Variants in INPP4B observed in about 807,000 individuals in gnomAD.
INPP4B encodes the protein inositol polyphosphate 4-phosphatase type II.
Under a neutral mutation model 122.5 loss-of-function variants are expected in INPP4B, and 55 were observed. The observed-to-expected ratio is 0.45, with a 90% confidence interval of 0.36 to 0.56. INPP4B has a LOEUF of 0.56. INPP4B is among the 20% of genes least tolerant of loss of function. INPP4B has a pLI of 0.00. For synonymous variants in INPP4B, 403 were observed against 388.7 expected, an observed-to-expected ratio of 1.04 and a Z score of -0.43; for missense variants, 1,000 against 1,097.7, an observed-to-expected ratio of 0.91 and a Z score of 1.26.
chr4:142,205,239 G>A (rs1350055690), intron 14 of INPP4B, among the ~76,000 whole-genome samples: 3 of 151,988 alleles, frequency 2.0e-5, no homozygotes, highest in Non-Finnish European at 2.9e-5. Context: ...AGTATTTTAA[G>A]GTTAATCAAC....
At chr4:142,070,826 G>A (rs537879680) in intron 25 of INPP4B, among the ~76,000 whole-genome samples, 10 of 152,184 alleles carry the variant, frequency 6.6e-5, no homozygotes, top group Admixed American at 1.3e-4. Flanking sequence ...ACTCCTCAAC[G>A]AAATAAAAGA....
intron 5 of INPP4B, among the ~76,000 whole-genome samples, chr4:142,416,333 C>T (rs772651347): frequency 1.1e-4 from 16 of 152,114 alleles, no homozygotes; most frequent in Non-Finnish European, 2.1e-4. Flanking sequence ...CACACTGACT[C>T]ATGGTCTGGG....
intron 1 of INPP4B, among the ~76,000 whole-genome samples, chr4:142,812,511 C>A (rs927269041): frequency 1.3e-5 from 2 of 152,134 alleles, no homozygotes; most frequent in Non-Finnish European, 2.9e-5. Flanking sequence ...TCAATCCCAT[C>A]CTTACCAAAA....
chr4:142,206,941 C>T (rs533095032), intron 14 of INPP4B, among the ~76,000 whole-genome samples: 1 of 152,044 alleles, frequency 6.6e-6, no homozygotes, highest in African/African-American at 2.4e-5. Flanking sequence ...GTACCTTTGA[C>T]TAATACCTCC....
chr4:142,192,798 C>T (rs895599812), intron 15 of INPP4B, among the ~76,000 whole-genome samples: 5 of 152,164 alleles, frequency 3.3e-5, no homozygotes, highest in Admixed American at 2.6e-4. Flanking sequence ...AATCTCTGAA[C>T]ACTCCTTTGA....
At chr4:142,122,272 A>G in intron 20 of INPP4B, 27 bp from the exon 21 acceptor site, 1 of 1,505,406 alleles carries the variant, frequency 6.6e-7, no homozygotes, top group Non-Finnish European at 9.2e-7. Flanking sequence ...GCACTTAGCT[A>G]CAAACAAACA....
At chr4:142,634,350 T>A (rs997531811) in intron 2 of INPP4B, among the ~76,000 whole-genome samples, 25 of 152,096 alleles carry the variant, frequency 1.6e-4, no homozygotes, top group Non-Finnish European at 2.9e-4. Flanking sequence ...TTCACTTTTT[T>A]AAAACCAAAA....
chr4:142,304,089 T>C (rs1225828937), intron 9 of INPP4B, among the ~76,000 whole-genome samples: 2 of 152,158 alleles, frequency 1.3e-5, no homozygotes, highest in Non-Finnish European at 2.9e-5. Context: ...GCTATGCATC[T>C]GATCTAGAAA....
intron 16 of INPP4B, among the ~76,000 whole-genome samples, chr4:142,168,336 T>C (rs1823886817): frequency 6.6e-6 from 1 of 151,618 alleles, no homozygotes; most frequent in Non-Finnish European, 1.5e-5. Context: ...CGGATCATAT[T>C]TTCCTGCTTC....
rs184441595 is a variant in INPP4B, at chr4:142,513,136, A to G, written c.-190-50410T>C. Among the ~76,000 whole-genome samples, 42 of 152,328 alleles carry G rather than the reference A, an allele frequency of 2.8e-4. 1 individual carries two copies. Among genetic ancestry groups the G allele is most frequent in the African/African-American group, 9.1e-4 (38 of 41,588 alleles). Reference sequence around the variant, plus strand: ...CAGAATATTAATTTAATGAGCAAATATGTATGCACTGCCTTCTATGTACTG... The same window carrying G: ...CAGAATATTAATTTAATGAGCAAATGTGTATGCACTGCCTTCTATGTACTG... On this transcript the variant is annotated intron_variant, in intron 2 of 25. Coordinates refer to ENST00000262992, the MANE Select transcript of INPP4B (RefSeq NM_001101669.3).
intron 1 of INPP4B, among the ~76,000 whole-genome samples, chr4:142,775,770 G>A (rs76391946): frequency 0.025 from 3,754 of 152,156 alleles, 60 homozygotes; most frequent in Middle Eastern, 0.095. Context: ...TTAGATAGAA[G>A]TCCATTATCA....
intron 9 of INPP4B, 61 bp from the exon 10 acceptor site, chr4:142,270,835 C>A: frequency 9.2e-7 from 1 of 1,089,562 alleles, no homozygotes; most frequent in Non-Finnish European, 1.4e-6. Context: ...CAAAAATATC[C>A]AAAACACATT....
At chr4:142,081,703 G>C (rs1420318079) in intron 25 of INPP4B, among the ~76,000 whole-genome samples, 2 of 151,798 alleles carry the variant, frequency 1.3e-5, no homozygotes, top group African/African-American at 4.8e-5. Flanking sequence ...AGATTTTCGG[G>C]GCCCCTTAAC....
At chr4:142,627,860 C>T (rs1013354296) in intron 2 of INPP4B, among the ~76,000 whole-genome samples, 5 of 151,792 alleles carry the variant, frequency 3.3e-5, no homozygotes, top group Admixed American at 6.6e-5. Context: ...TGGTAGAATT[C>T]GGCTGTGAAT....
intron 1 of INPP4B, among the ~76,000 whole-genome samples, chr4:142,742,161 C>T (rs990066374): frequency 6.6e-6 from 1 of 151,864 alleles, no homozygotes; most frequent in African/African-American, 2.4e-5. Flanking sequence ...TGATAATTGT[C>T]CTCCTATCAC....
At position 142,687,636 on chromosome 4, in the gene INPP4B, G is replaced by A. The variant is rs149636413; in HGVS notation, c.-191+38203C>T. ...CTAGCCCAGGTAATGTGAGTTGTGCGGGTTCTGCAGGGCAAAGCTGGGCAG... is the reference window on the plus strand; with the variant it reads ...CTAGCCCAGGTAATGTGAGTTGTGCAGGTTCTGCAGGGCAAAGCTGGGCAG... On this transcript the variant is annotated intron_variant, in intron 2 of 25. Coordinates refer to ENST00000262992, the MANE Select transcript of INPP4B (RefSeq NM_001101669.3). 2.6e-3 allele frequency among the ~76,000 whole-genome samples: 397 copies of A among 152,002 alleles called. 6 individuals carry two copies. The highest frequency in any genetic ancestry group is 0.018 in the East Asian group (94 of 5,130).
At chr4:142,471,232 T>C (rs1156791692) in intron 2 of INPP4B, among the ~76,000 whole-genome samples, 2 of 152,204 alleles carry the variant, frequency 1.3e-5, no homozygotes, top group Non-Finnish European at 2.9e-5. Context: ...AAATAGATAA[T>C]TCAAACAATG....
chr4:142,215,577 G>A (rs1274662843), intron 12 of INPP4B, among the ~76,000 whole-genome samples: 1 of 151,948 alleles, frequency 6.6e-6, no homozygotes, highest in Non-Finnish European at 1.5e-5. Context: ...AGCATTATAA[G>A]ACCCAAAGAT....
intron 12 of INPP4B, among the ~76,000 whole-genome samples, chr4:142,225,728 G>GA (rs913653717): frequency 1.3e-5 from 2 of 151,390 alleles, no homozygotes; most frequent in African/African-American, 4.8e-5. Flanking sequence ...GAGAAAAAGA[G>GA]AAAAAAAATA....
Sources: gnomAD v4.1 joint callset for allele counts (sites outside exome capture counted in the v4.1 genomes callset) on GRCh38, gnomAD v4.1.1 for gene constraint, MANE v1.5 for transcripts, NCBI Gene and HGNC (gene_info 2026-07-23, HGNC 2026-07-21) for gene names.